COL26A1: variants seen among roughly 807,000 people sequenced by gnomAD.
COL26A1 encodes collagen alpha-1(XXVI) chain.
A neutral mutation model predicts 59.3 loss-of-function variants in COL26A1; 41 were observed. The ratio of observed to expected loss-of-function variants is 0.69; its 90% CI spans 0.54 to 0.90. The LOEUF is 0.90. Ranked by LOEUF, COL26A1 falls within the 40% of genes least tolerant of loss-of-function variation. The pLI, the probability that COL26A1 is intolerant of heterozygous loss-of-function variation, is 0.00. For synonymous variants in COL26A1, 266 were observed against 256.0 expected, an observed-to-expected ratio of 1.04 and a Z score of -0.37; for missense variants, 612 against 602.3, an observed-to-expected ratio of 1.02 and a Z score of -0.17.
At chr7:101,496,459 G>A (rs959071791) in intron 3 of COL26A1, among the ~76,000 whole-genome samples, 1 of 152,224 alleles carries the variant, frequency 6.6e-6, no homozygotes, top group African/African-American at 2.4e-5. Flanking sequence ...GGAGTGGGCT[G>A]AAGTGTGGAG....
chr7:101,371,275 G>A (rs564209178), intron 1 of COL26A1, among the ~76,000 whole-genome samples: 1 of 152,302 alleles, frequency 6.6e-6, no homozygotes, highest in South Asian at 2.1e-4. Context: ...ACATCCATGG[G>A]GACTTGTCCC....
intron 3 of COL26A1, among the ~76,000 whole-genome samples, chr7:101,520,662 A>ACACACACACACACACACACACACACACC (rs915256077): frequency 1.4e-4 from 20 of 143,356 alleles, no homozygotes; most frequent in African/African-American, 5.2e-4. Flanking sequence ...ACACACACAC[A>ACACACACACACACACACACACACACACC]CCCCCGTGTT....
intron 1 of COL26A1, among the ~76,000 whole-genome samples, chr7:101,418,994 TTCTC>T (rs148238686): frequency 3.9e-4 from 58 of 147,466 alleles, no homozygotes; most frequent in East Asian, 8.0e-4. Flanking sequence ...CTTTCTTTCT[TTCTC>T]TCTCTCTCTC....
At chr7:101,520,328 G>A (rs1795113757) in intron 3 of COL26A1, among the ~76,000 whole-genome samples, 1 of 152,144 alleles carries the variant, frequency 6.6e-6, no homozygotes, top group Non-Finnish European at 1.5e-5. Context: ...CAGGGTCCTT[G>A]GGGACCCTCC....
intron 1 of COL26A1, among the ~76,000 whole-genome samples, chr7:101,419,182 T>C (rs1188009305): frequency 6.9e-6 from 1 of 145,608 alleles, no homozygotes; most frequent in Non-Finnish European, 1.5e-5. Flanking sequence ...AGTAGCATGA[T>C]CATAGCCACT....
At chr7:101,442,858 G>T (rs1193022319) in intron 2 of COL26A1, among the ~76,000 whole-genome samples, 1 of 152,192 alleles carries the variant, frequency 6.6e-6, no homozygotes, top group Non-Finnish European at 1.5e-5. Context: ...TGCGTGTGTG[G>T]AAGTGTGCAC....
intron 2 of COL26A1, among the ~76,000 whole-genome samples, 153 bp downstream of exon 2, chr7:101,420,252 G>A (rs941743539): frequency 1.3e-5 from 2 of 152,202 alleles, no homozygotes; most frequent in African/African-American, 4.8e-5. Context: ...AGGCATGGGT[G>A]TGTGTATATA....
intron 2 of COL26A1, among the ~76,000 whole-genome samples, chr7:101,438,533 G>A (rs1205215218): frequency 2.0e-5 from 3 of 151,576 alleles, no homozygotes; most frequent in African/African-American, 7.3e-5. Context: ...ACCAAGTCCA[G>A]CTCTGCACCT....
chr7:101,466,391 C>T (rs1793758220), intron 3 of COL26A1, among the ~76,000 whole-genome samples: 1 of 152,068 alleles, frequency 6.6e-6, no homozygotes, highest in South Asian at 2.1e-4. Flanking sequence ...CAGCACTAGG[C>T]ACAATAGTGT....
At chr7:101,416,564 C>A (rs577455191) in intron 1 of COL26A1, among the ~76,000 whole-genome samples, 1 of 143,706 alleles carries the variant, frequency 7.0e-6, no homozygotes, top group South Asian at 2.3e-4. Context: ...TGGTCTTCCT[C>A]TAGGTCCCTT....
intron 1 of COL26A1, among the ~76,000 whole-genome samples, chr7:101,371,150 C>T (rs891269075): frequency 2.6e-5 from 4 of 152,198 alleles, no homozygotes; most frequent in African/African-American, 9.6e-5. Flanking sequence ...CTTGCATTCA[C>T]TGAGCCCACG....
chr7:101,525,100 G>A (rs1319726705), intron 3 of COL26A1, among the ~76,000 whole-genome samples: 1 of 150,388 alleles, frequency 6.6e-6, no homozygotes, highest in African/African-American at 2.4e-5. Context: ...TTTGATGCCA[G>A]CTTTCTAAGA....
chr7:101,440,763 C>T (rs567806975), intron 2 of COL26A1, among the ~76,000 whole-genome samples: 6 of 152,262 alleles, frequency 3.9e-5, no homozygotes, highest in South Asian at 4.1e-4. Flanking sequence ...GTCAGGAGTT[C>T]GAGGCCAGCC....
intron 2 of COL26A1, among the ~76,000 whole-genome samples, chr7:101,445,456 G>T (rs1793162814): frequency 6.6e-6 from 1 of 151,468 alleles, no homozygotes; most frequent in African/African-American, 2.4e-5. Flanking sequence ...AGGGGGCCGG[G>T]CGCGGTGGCT....
chr7:101,488,401 A>G (rs1438001077), intron 3 of COL26A1, among the ~76,000 whole-genome samples: 6 of 137,182 alleles, frequency 4.4e-5, no homozygotes, highest in Admixed American at 7.3e-5. Flanking sequence ...TTTTTTCCAG[A>G]GTCTAACTCT....
intron 11 of COL26A1, among the ~76,000 whole-genome samples, chr7:101,554,376 G>A (rs1486276216): frequency 6.6e-6 from 1 of 152,010 alleles, no homozygotes; most frequent in African/African-American, 2.4e-5. Flanking sequence ...GGTAGTAAGA[G>A]GGGCTGAGGC....
At chr7:101,429,589 CTTTTTTT>C (rs58432413) in intron 2 of COL26A1, among the ~76,000 whole-genome samples, 6 of 78,688 alleles carry the variant, frequency 7.6e-5, no homozygotes, top group Non-Finnish European at 1.2e-4. Context: ...TTCTTTTTTA[CTTTTTTT>C]TTTTTTTTTT....
In COL26A1 at chr7:101,535,751, G is replaced by A. The variant is rs117537317; in HGVS notation, c.447+2608G>A. 3.8e-3 allele frequency among the ~76,000 whole-genome samples: 576 copies of A among 152,304 alleles called. 3 individuals are homozygous for A. Among genetic ancestry groups the A allele is most frequent in the South Asian group, 0.011 (55 of 4,820 alleles). On this transcript the variant is annotated intron_variant, in intron 4 of 12. Transcript: ENST00000313669. ...CAGCCCTTCCCTCTGGATCTCAGTCGGATGGCCTGGAAAATGGAAATTGGA... is the reference window on the plus strand; with the variant it reads ...CAGCCCTTCCCTCTGGATCTCAGTCAGATGGCCTGGAAAATGGAAATTGGA...
At chr7:101,364,322 C>T (rs958813204) in intron 1 of COL26A1, among the ~76,000 whole-genome samples, 1 of 144,754 alleles carries the variant, frequency 6.9e-6, no homozygotes, top group African/African-American at 2.7e-5. Flanking sequence ...CTGTTCCCTC[C>T]GTCTCTTTTT....
Sources: allele counts gnomAD v4.1 joint callset (sites outside exome capture counted in the v4.1 genomes callset), GRCh38; gene constraint gnomAD v4.1.1; transcripts MANE v1.5; gene names NCBI Gene and HGNC (gene_info 2026-07-23, HGNC 2026-07-21).